CCDC60: variants seen among roughly 807,000 people sequenced by gnomAD.
The protein encoded by CCDC60 is coiled-coil domain containing 60, also known as coiled-coil domain-containing protein 60.
Under a neutral mutation model 63.5 loss-of-function variants are expected in CCDC60, and 54 were observed. The observed-to-expected ratio is 0.85, with a 90% CI of 0.68 to 1.07. The LOEUF (loss-of-function observed/expected upper bound fraction) is 1.07. Ranked by LOEUF, CCDC60 falls within the 50% of genes least tolerant of loss-of-function variation. The pLI, the probability that CCDC60 is intolerant of heterozygous loss-of-function variation, is 0.00. For missense variants in CCDC60, 651 were observed against 684.3 expected (o/e 0.95, Z 0.54); for synonymous variants, 206 against 238.8 (o/e 0.86, Z 1.27).
intron 13 of CCDC60, 46 bp downstream of exon 13, chr12:119,531,109 T>C (rs1251281806): frequency 6.6e-7 from 1 of 1,522,630 alleles, no homozygotes; most frequent in Non-Finnish European, 9.0e-7. Flanking sequence ...GGTGTCCTCA[T>C]TCAATCACCT....
intron 1 of CCDC60, among the ~76,000 whole-genome samples, chr12:119,397,746 C>T (rs1311930588): frequency 1.4e-4 from 9 of 66,366 alleles, no homozygotes; most frequent in Middle Eastern, 5.7e-3. Context: ...TCAATGGGAC[C>T]GGGTACCACG....
At chr12:119,446,664 T>G (rs1201923634) in intron 2 of CCDC60, among the ~76,000 whole-genome samples, 2 of 151,406 alleles carry the variant, frequency 1.3e-5, no homozygotes. Context: ...TGAGTCAGAG[T>G]GTCTACGATG....
intron 8 of CCDC60, among the ~76,000 whole-genome samples, chr12:119,519,798 G>T (rs901211020): frequency 1.7e-4 from 26 of 151,312 alleles, no homozygotes; most frequent in African/African-American, 6.3e-4. Context: ...CTTCAGGTGG[G>T]CATTATGTCA....
At chr12:119,394,598 G>A (rs1012575749) in intron 1 of CCDC60, among the ~76,000 whole-genome samples, 2 of 152,124 alleles carry the variant, frequency 1.3e-5, no homozygotes, top group African/African-American at 4.8e-5. Flanking sequence ...AATTCTCATG[G>A]GTGACCAAGG....
intron 4 of CCDC60, among the ~76,000 whole-genome samples, chr12:119,484,819 T>C (rs1951399210): frequency 6.6e-6 from 1 of 152,238 alleles, no homozygotes; most frequent in African/African-American, 2.4e-5. Flanking sequence ...AAAAATCTAT[T>C]GAGCTGACTC....
intron 1 of CCDC60, among the ~76,000 whole-genome samples, chr12:119,406,454 A>G (rs1479525030): frequency 6.6e-6 from 1 of 151,962 alleles, no homozygotes; most frequent in Non-Finnish European, 1.5e-5. Flanking sequence ...CCCTTCATCC[A>G]CTCACTGAAC....
At chr12:119,491,654 T>G (rs1412372097) in intron 5 of CCDC60, among the ~76,000 whole-genome samples, 1 of 152,112 alleles carries the variant, frequency 6.6e-6, no homozygotes, top group African/African-American at 2.4e-5. Flanking sequence ...TATGCCCAGT[T>G]ACAAGTGTTT....
At chr12:119,466,613 C>T (rs1950957698) in intron 2 of CCDC60, among the ~76,000 whole-genome samples, 1 of 152,142 alleles carries the variant, frequency 6.6e-6, no homozygotes, top group African/African-American at 2.4e-5. Context: ...CCAGGTGCAC[C>T]CTCCTTTGAT....
intron 1 of CCDC60, among the ~76,000 whole-genome samples, chr12:119,376,946 A>G (rs1289073697): frequency 6.6e-6 from 1 of 152,196 alleles, no homozygotes; most frequent in East Asian, 1.9e-4. Context: ...ATGTGGATGG[A>G]GACTAAGCCC....
chr12:119,439,150 C>G (rs1457740285), intron 2 of CCDC60, among the ~76,000 whole-genome samples: 38 of 72,276 alleles, frequency 5.3e-4, no homozygotes, highest in South Asian at 7.8e-4. Context: ...CTTTTCTGGG[C>G]AAAAAAAAAA....
chr12:119,468,291 T>TA (rs1213897612), intron 2 of CCDC60, among the ~76,000 whole-genome samples: 1 of 151,788 alleles, frequency 6.6e-6, no homozygotes, highest in African/African-American at 2.4e-5. Flanking sequence ...GACGCTGTCT[T>TA]AAAAAATAAA....
At chr12:119,443,817 T>C (rs117067019) in intron 2 of CCDC60, among the ~76,000 whole-genome samples, 4,145 of 152,318 alleles carry the variant, frequency 0.027, 98 homozygotes, top group Middle Eastern at 0.061. Context: ...TTTTTGAGTA[T>C]GGATGAGTTA....
chr12:119,507,604 ATATATATATAT>A (rs1566050754), intron 7 of CCDC60, among the ~76,000 whole-genome samples: 8 of 25,194 alleles, frequency 3.2e-4, no homozygotes, highest in Non-Finnish European at 5.0e-4. Context: ...ATATATATAT[ATATATATATAT>A]TTTTTTTTTT....
chr12:119,407,479 C>A (rs1015115210), intron 1 of CCDC60, among the ~76,000 whole-genome samples: 3 of 152,168 alleles, frequency 2.0e-5, no homozygotes, highest in Admixed American at 2.0e-4. Flanking sequence ...CTGCAGCGAG[C>A]TATGATCATG....
intron 1 of CCDC60, among the ~76,000 whole-genome samples, chr12:119,374,532 G>C (rs1177198357): frequency 6.6e-6 from 1 of 152,150 alleles, no homozygotes; most frequent in Middle Eastern, 3.2e-3. Flanking sequence ...AGGGGTGGTG[G>C]TGTTCCTGGA....
intron 5 of CCDC60, among the ~76,000 whole-genome samples, chr12:119,493,492 A>G (rs950839691): frequency 6.6e-6 from 1 of 152,008 alleles, no homozygotes; most frequent in African/African-American, 2.4e-5. Context: ...GACAGATTTT[A>G]GGGTGTCATT....
At chr12:119,336,747 T>C (rs930405441) in intron 1 of CCDC60, among the ~76,000 whole-genome samples, 10 of 152,240 alleles carry the variant, frequency 6.6e-5, no homozygotes, top group African/African-American at 9.6e-5. Flanking sequence ...ATGAAAATTG[T>C]CCACTGTGAT....
chr12:119,439,803 T>G (rs1039208681), intron 2 of CCDC60, among the ~76,000 whole-genome samples: 1 of 152,202 alleles, frequency 6.6e-6, no homozygotes, highest in Non-Finnish European at 1.5e-5. Context: ...AGAAGCCTAC[T>G]TAAATATAGG....
chr12:119,506,464 T>C (rs534675851), intron 7 of CCDC60, among the ~76,000 whole-genome samples: 1 of 129,080 alleles, frequency 7.7e-6, no homozygotes, highest in East Asian at 2.1e-4. Flanking sequence ...AAAAAAAAAA[T>C]TAGCCATGCA....
Sources: gnomAD v4.1 joint callset for allele counts (sites outside exome capture counted in the v4.1 genomes callset) on GRCh38, gnomAD v4.1.1 for gene constraint, MANE v1.5 for transcripts, NCBI Gene and HGNC (gene_info 2026-07-23, HGNC 2026-07-21) for gene names.